RNF40: variants seen among roughly 807,000 people sequenced by gnomAD.
The protein encoded by RNF40 is ring finger protein 40.
A neutral mutation model predicts 123.3 loss-of-function variants in RNF40; 39 were observed. That is an observed-to-expected ratio of 0.32 (90% CI 0.24 to 0.41). The LOEUF is 0.41. RNF40 is among the 10% of genes least tolerant of loss of function. The pLI is 1.00. For missense variants in RNF40, 1,003 were observed against 1,319.9 expected (o/e 0.76, Z 3.72); for synonymous variants, 538 against 526.0 (o/e 1.02, Z -0.31).
Position 30,766,037 on chromosome 16 carries a change from T to G in RNF40, c.994-126T>G. The G allele has an allele frequency of 2.2e-6, 3 of 1,337,582 alleles. No individual in the cohort carries two copies. Among genetic ancestry groups the G allele is most frequent in the Non-Finnish European group, 3.1e-6 (3 of 952,438 alleles). The allele number at this position is 1,337,582 out of a possible 1,614,324, so 82.9% of individuals were successfully genotyped here. On this transcript the variant is annotated intron_variant, in intron 8 of 19. Transcript: ENST00000324685. This position sits in a 1 kb window ranked among gnomAD's most constrained non-coding sequence, Gnocchi z 5.4. ...GGGAGCCCTTAGGAAAGTACTTGGT[T>G]TGGGGTGTCAGAATCGATCATTGCC...
Position 30,774,162 on chromosome 16 carries a change from G to T in RNF40, c.*48G>T. Reference sequence around the variant, plus strand: ...GAACACCATGGACCCTGGGGGCTGTGCCCCCATCTCCTCCCCACCCCAGGT... The same window carrying T: ...GAACACCATGGACCCTGGGGGCTGTTCCCCCATCTCCTCCCCACCCCAGGT... On this transcript the variant is annotated 3_prime_UTR_variant, in exon 20 of 20. Transcript: ENST00000324685. 6.4e-7 allele frequency: 1 copy of T among 1,551,726 alleles called. No homozygotes were observed. The highest frequency in any genetic ancestry group is 8.7e-7 in the Non-Finnish European group (1 of 1,144,326).
At position 30,766,149 on chromosome 16, in the gene RNF40, C is replaced by T. The variant is rs1419702326; in HGVS notation, c.994-14C>T. ...CTGGCCCTGCCTCCCATGGCCCTGCCTCCCACTCCTTAGTTTGAGATGCTG... is the reference window on the plus strand; with the variant it reads ...CTGGCCCTGCCTCCCATGGCCCTGCTTCCCACTCCTTAGTTTGAGATGCTG... On this transcript the variant is annotated splice_polypyrimidine_tract_variant and intron_variant, in intron 8 of 19. Coordinates refer to ENST00000324685, the MANE Select transcript of RNF40 (RefSeq NM_014771.4). The surrounding 1 kb of genome is among the most constrained non-coding windows in gnomAD (Gnocchi z 5.4). 2 of 1,613,730 alleles carry T rather than the reference C, an allele frequency of 1.2e-6. No individual in the cohort carries two copies. The highest frequency in any genetic ancestry group is 1.7e-5 in the Admixed American group (1 of 60,000).
chr16:30,771,827 A>G lies in RNF40; in HGVS notation c.2587-6A>G. 2 of 1,567,518 alleles carry G rather than the reference A, an allele frequency of 1.3e-6. No individual in the cohort carries two copies. The highest frequency in any genetic ancestry group is 8.6e-7 in the Non-Finnish European group (1 of 1,156,202). The stretch of plus-strand genomic sequence containing the variant: ...CAGTGCCTCCTTCCTGTTCCACCCT[A>G]CTCAGGCTGTAGAAGCCGCCCAGCT... On this transcript the variant is annotated splice_region_variant and splice_polypyrimidine_tract_variant and intron_variant, in intron 17 of 19. Coordinates refer to ENST00000324685, the MANE Select transcript of RNF40 (RefSeq NM_014771.4).
Position 30,774,749 on chromosome 16 carries a change from A to C in RNF40, c.*635A>C, listed in dbSNP as rs553516913. On this transcript the variant is annotated 3_prime_UTR_variant, in exon 20 of 20. Coordinates refer to ENST00000324685, the MANE Select transcript of RNF40 (RefSeq NM_014771.4). ...TAAGGTTGCTGCAGTCACCTTCCTCATCTTGCAGGTGCTGAACCAACATCA... is the reference window on the plus strand; with the variant it reads ...TAAGGTTGCTGCAGTCACCTTCCTCCTCTTGCAGGTGCTGAACCAACATCA... 7 of 344,674 alleles carry C rather than the reference A, an allele frequency of 2.0e-5. No individual in the cohort carries two copies. In the Admixed American group the frequency reaches 2.4e-4, roughly 12 times the overall value. 21.4% of individuals were successfully genotyped at this position (344,674 alleles called of 1,614,324 possible). A position where few individuals can be genotyped will look rare whatever the true frequency, so the allele number is the denominator to read the frequency against.
At position 30,775,789 on chromosome 16, in the gene RNF40, G is replaced by C. The variant is rs945201301; in HGVS notation, c.*1675G>C. Reference sequence around the variant, plus strand: ...GCGCTGGCGACAGTGCTATGGCCACGGCAGGGGCCGCGTGCGTCTCAGCGG... The same window carrying C: ...GCGCTGGCGACAGTGCTATGGCCACCGCAGGGGCCGCGTGCGTCTCAGCGG... On this transcript the variant is annotated 3_prime_UTR_variant, in exon 20 of 20. Coordinates refer to ENST00000324685, the MANE Select transcript of RNF40 (RefSeq NM_014771.4). 8 of 152,316 alleles carry C rather than the reference G, an allele frequency of 5.3e-5. No individual in the cohort carries two copies. The highest frequency in any genetic ancestry group is 1.7e-4 in the African/African-American group (7 of 41,472). The allele number at this position is 152,316 out of a possible 1,614,324, so 9.4% of individuals were successfully genotyped here.
At chr16:30,765,704 T>C (rs1053160512) in intron 8 of RNF40, among the ~76,000 whole-genome samples, 1 of 152,188 alleles carries the variant, frequency 6.6e-6, no homozygotes, top group Non-Finnish European at 1.5e-5. Context: ...GAGAACAAAA[T>C]AGAGGTCAAA....
chr16:30,763,316 C>G, intron 3 of RNF40, 31 bp downstream of exon 3: 1 of 1,611,444 alleles, frequency 6.2e-7, no homozygotes. Flanking sequence ...AAGACCAGGC[C>G]TTGATTCAGC....
At chr16:30,773,125 G>A (rs140858342) in intron 19 of RNF40, among the ~76,000 whole-genome samples, 138 of 152,284 alleles carry the variant, frequency 9.1e-4, no homozygotes, top group African/African-American at 3.1e-3. Context: ...AGGCTGGGAA[G>A]GTGCTCAAGG....
rs772119461 is a variant in RNF40 at position 30,763,425 on chromosome 16, A to T, written c.308A>T (p.Glu103Val). ...GATGTTTTCTCCTTCCAGCTGGATGAAACTGTGGAAGCCCTTCTCCGATGC... is the reference window on the plus strand; with the variant it reads ...GATGTTTTCTCCTTCCAGCTGGATGTAACTGTGGAAGCCCTTCTCCGATGC... ...IVNRYWAQLDETVEALLRCHE... is the reference protein window; with the variant it reads ...IVNRYWAQLDVTVEALLRCHE... Residue 103 changes from glutamate to valine, a missense_variant, in exon 4 of 20, where the codon GAA becomes GTA. By Grantham distance (121) the Glu-to-Val change is moderately radical. Coordinates refer to ENST00000324685, the MANE Select transcript of RNF40 (RefSeq NM_014771.4). 9 of 1,605,326 alleles carry T rather than the reference A, an allele frequency of 5.6e-6. No homozygotes were observed. Among genetic ancestry groups the T allele is most frequent in the Admixed American group, 1.7e-5 (1 of 58,390 alleles).
In RNF40 at chr16:30,767,878, G is replaced by T; in HGVS notation, c.1430-16G>T. The T allele has an allele frequency of 6.2e-7, 1 of 1,614,114 alleles. No individual in the cohort carries two copies. Among genetic ancestry groups the T allele is most frequent in the Non-Finnish European group, 8.5e-7 (1 of 1,180,034 alleles). On this transcript the variant is annotated splice_polypyrimidine_tract_variant and intron_variant, in intron 11 of 19. Transcript: ENST00000324685. ...GGAACTGGTTCTGACACCTTTACTT[G>T]CTGATGCTCCTCCAGGGCCCATCAA...
chr16:30,774,895 G>C lies in RNF40; in HGVS notation c.*781G>C, dbSNP rs2151337284. On this transcript the variant is annotated 3_prime_UTR_variant, in exon 20 of 20. Coordinates refer to ENST00000324685, the MANE Select transcript of RNF40 (RefSeq NM_014771.4). The stretch of plus-strand genomic sequence containing the variant: ...CTGGACCTAACCCTGCTTTCATCCT[G>C]GTGGCCTTAACTACAGTGGAGGTGG... The C allele has an allele frequency of 4.4e-6, 2 of 454,308 alleles. No homozygotes were observed. The highest frequency in any genetic ancestry group is 3.1e-5 in the South Asian group (2 of 64,274). The allele number at this position is 454,308 out of a possible 1,614,324, so 28.1% of individuals were successfully genotyped here.
At chr16:30,761,828 T>C (rs1195230514), upstream of RNF40, 3 of 1,350,076 alleles carry the variant, frequency 2.2e-6, no homozygotes, top group Non-Finnish European at 3.0e-6. Flanking sequence ...GGTCGGCGGC[T>C]ACCAAGGCCG....
At chr16:30,761,759 T>C, upstream of RNF40, 3 of 1,513,550 alleles carry the variant, frequency 2.0e-6, no homozygotes, top group Non-Finnish European at 2.7e-6. Flanking sequence ...CTCGCCGCTC[T>C]TCCGTGCCGC....
chr16:30,775,494 A>G lies in RNF40; in HGVS notation c.*1380A>G. ...ATGGTTAGGAGGTTCTCGGAGAGAG[A>G]GCTAGTTTCCCGGTTGCGCTGGCCA... is the stretch of plus-strand genomic sequence containing the variant. On this transcript the variant is annotated 3_prime_UTR_variant, in exon 20 of 20. Transcript: ENST00000324685. 1 of 164,718 alleles carries G rather than the reference A, an allele frequency of 6.1e-6. No homozygotes were observed. 10.2% of individuals were successfully genotyped at this position (164,718 alleles called of 1,614,324 possible).
rs1456976183 is a variant in RNF40, at chr16:30,775,842, G to A, written c.*1728G>A. ...GCGCCTTCGGACCCTATTGGCGCCCGGGACTTAAGCGGGGCCGCCGCTGCT... is the reference window on the plus strand; with the variant it reads ...GCGCCTTCGGACCCTATTGGCGCCCAGGACTTAAGCGGGGCCGCCGCTGCT... On this transcript the variant is annotated 3_prime_UTR_variant, in exon 20 of 20. Coordinates refer to ENST00000324685, the MANE Select transcript of RNF40 (RefSeq NM_014771.4). 1 of 152,262 alleles carries A rather than the reference G, an allele frequency of 6.6e-6. No individual in the cohort carries two copies. Among genetic ancestry groups the A allele is most frequent in the African/African-American group, 2.4e-5 (1 of 41,470 alleles). 9.4% of individuals were successfully genotyped at this position (152,262 alleles called of 1,614,324 possible).
rs940905479 is a variant in RNF40 at position 30,763,619 on chromosome 16, G to A, written c.442+60G>A. On this transcript the variant is annotated intron_variant, in intron 4 of 19. Transcript: ENST00000324685. ...GTTCTGGGAGAAGTCCTGGGGAGGAGGGGACTTTGGTGTTGGGCCCCTGAA... is the reference window on the plus strand; with the variant it reads ...GTTCTGGGAGAAGTCCTGGGGAGGAAGGGACTTTGGTGTTGGGCCCCTGAA... 2.5e-6 allele frequency: 4 copies of A among 1,575,486 alleles called. No individual in the cohort carries two copies. The Admixed American group carries it at 7.4e-5, about 29-fold the overall frequency.
Position 30,764,159 on chromosome 16 carries a change from G to T in RNF40, c.443-20G>T. On this transcript the variant is annotated intron_variant, in intron 4 of 19. Transcript: ENST00000324685. The stretch of plus-strand genomic sequence containing the variant: ...TAACTGCTGCTCTTATCCTCATGAG[G>T]GTCTGTCCATTCCTTCCAGACCCCT... The T allele has an allele frequency of 6.3e-7, 1 of 1,591,702 alleles. No homozygotes were observed.
Position 30,768,268 on chromosome 16 carries a change from A to G in RNF40, c.1717A>G (p.Thr573Ala), listed in dbSNP as rs747766673. The G allele has an allele frequency of 3.7e-6, 6 of 1,613,966 alleles. No individual in the cohort carries two copies. The highest frequency in any genetic ancestry group is 2.2e-5 in the South Asian group (2 of 91,086). ...EMAPVPGTTT[T>A]TTSVKKEELV... ...GGCTCCAGTGCCTGGCACCACCACT[A>G]CTACCACTTCAGTGAAGAAGGAGGA... is the stretch of plus-strand genomic sequence containing the variant. The change falls in exon 13 of 20, where the codon ACT (threonine) becomes GCT (alanine). Residue 573 changes from threonine (T) to alanine (A), a missense_variant. Thr to Ala is a moderately conservative substitution (Grantham distance 58, BLOSUM62 0). This residue lies in a region of RNF40 where 295 missense variants were observed against 331.7 expected (regional missense o/e 0.89). Coordinates refer to ENST00000324685, the MANE Select transcript of RNF40 (RefSeq NM_014771.4). The surrounding 1 kb of genome is among the most constrained non-coding windows in gnomAD (Gnocchi z 4.1).
intron 8 of RNF40, 92 bp downstream of exon 8, chr16:30,765,591 C>T: frequency 8.6e-7 from 1 of 1,161,842 alleles, no homozygotes; most frequent in East Asian, 2.5e-5. Flanking sequence ...ACATCCATCT[C>T]TGAGGCCCTT....
Sources: allele counts gnomAD v4.1 joint callset (sites outside exome capture counted in the v4.1 genomes callset), GRCh38; gene constraint gnomAD v4.1.1; regional missense constraint gnomAD v4.1.1; non-coding constraint Gnocchi (gnomAD v3.1); transcripts MANE v1.5; gene names NCBI Gene and HGNC (gene_info 2026-07-23, HGNC 2026-07-21).